Variants in PLD5 observed in about 807,000 individuals in gnomAD.
PLD5 encodes the protein phospholipase D family member 5.
In PLD5, 36 loss-of-function variants were observed where a neutral mutation model predicts 61.1. That is an observed-to-expected ratio of 0.59 (90% CI 0.45 to 0.78). PLD5 has a LOEUF of 0.78. PLD5 is among the 30% of genes least tolerant of loss of function. The probability of loss-of-function intolerance (pLI) is 0.00; values close to 1 mark genes in which losing one functional copy is unlikely to be tolerated. For missense variants in PLD5, 515 were observed against 644.4 expected, an observed-to-expected ratio of 0.80 and a Z score of 2.17; for synonymous variants, 243 against 242.8, an observed-to-expected ratio of 1.00 and a Z score of -0.01.
At chr1:242,384,715 T>C (rs1246871921) in intron 1 of PLD5, among the ~76,000 whole-genome samples, 1 of 152,216 alleles carries the variant, frequency 6.6e-6, no homozygotes, top group Non-Finnish European at 1.5e-5. Context: ...GTTCTCTTGG[T>C]GTGATTGGGT....
intron 4 of PLD5, among the ~76,000 whole-genome samples, chr1:242,233,861 C>T (rs908756851): frequency 1.3e-5 from 2 of 152,138 alleles, no homozygotes; most frequent in African/African-American, 2.4e-5. Context: ...AGAAATCAGT[C>T]GTGGCCTCCA....
At chr1:242,398,567 T>C (rs1663736718) in intron 1 of PLD5, among the ~76,000 whole-genome samples, 1 of 152,228 alleles carries the variant, frequency 6.6e-6, no homozygotes, top group African/African-American at 2.4e-5. Flanking sequence ...CAAACTCTTG[T>C]ATTGTAATCA....
At chr1:242,512,417 A>C (rs935541434) in intron 1 of PLD5, among the ~76,000 whole-genome samples, 1 of 62,576 alleles carries the variant, frequency 1.6e-5, no homozygotes, top group Non-Finnish European at 4.0e-5. Context: ...CTCCATCTCA[A>C]AAAAAAAAAA....
At chr1:242,153,539 G>A (rs1316646710) in intron 5 of PLD5, among the ~76,000 whole-genome samples, 1 of 152,118 alleles carries the variant, frequency 6.6e-6, no homozygotes, top group Admixed American at 6.6e-5. Context: ...AAGGTGTAAG[G>A]AAGGGGTCCA....
intron 3 of PLD5, among the ~76,000 whole-genome samples, chr1:242,280,037 C>T (rs1214035192): frequency 6.6e-6 from 1 of 151,932 alleles, no homozygotes; most frequent in Non-Finnish European, 1.5e-5. Flanking sequence ...CCACAGCTAT[C>T]TTTTAAAAGC....
At chr1:242,496,069 G>A (rs144536995) in intron 1 of PLD5, among the ~76,000 whole-genome samples, 10 of 152,332 alleles carry the variant, frequency 6.6e-5, no homozygotes, top group African/African-American at 2.4e-4. Context: ...GGCAAGGAAA[G>A]TGTATTTGTT....
chr1:242,184,883 G>T (rs1043576042), intron 5 of PLD5, among the ~76,000 whole-genome samples: 1 of 152,138 alleles, frequency 6.6e-6, no homozygotes, highest in African/African-American at 2.4e-5. Flanking sequence ...GAGGTGCAGG[G>T]CAATCAACAG....
chr1:242,460,378 C>T (rs546051234), intron 1 of PLD5, among the ~76,000 whole-genome samples: 6 of 152,220 alleles, frequency 3.9e-5, no homozygotes, highest in South Asian at 2.1e-4. Context: ...CTCAACCTGC[C>T]GATCCACCTA....
At chr1:242,333,492 G>A (rs1404319291) in intron 2 of PLD5, among the ~76,000 whole-genome samples, 2 of 152,130 alleles carry the variant, frequency 1.3e-5, no homozygotes, top group African/African-American at 4.8e-5. Context: ...GAGACCTCAG[G>A]ACCACGGTCT....
At chr1:242,347,613 T>C (rs765963557) in intron 2 of PLD5, among the ~76,000 whole-genome samples, 43 of 152,224 alleles carry the variant, frequency 2.8e-4, no homozygotes, top group Non-Finnish European at 5.1e-4. Flanking sequence ...TTGTAGTTTC[T>C]AGATTAAAAA....
At chr1:242,443,102 C>T (rs1306464391) in intron 1 of PLD5, among the ~76,000 whole-genome samples, 1 of 152,128 alleles carries the variant, frequency 6.6e-6, no homozygotes, top group Non-Finnish European at 1.5e-5. Context: ...ATATTAAATC[C>T]TATGGACAAG....
At chr1:242,368,317 G>A (rs1439524) in intron 1 of PLD5, among the ~76,000 whole-genome samples, 125,957 of 151,836 alleles carry the variant, frequency 0.83, 53,158 homozygotes, top group South Asian at 0.9. Flanking sequence ...TGCCCAATTC[G>A]TGAACCAATA....
intron 4 of PLD5, among the ~76,000 whole-genome samples, chr1:242,224,372 T>C (rs1670796031): frequency 6.6e-6 from 1 of 152,174 alleles, no homozygotes. Flanking sequence ...TGTCACATAT[T>C]TTTTAAAAAT....
intron 7 of PLD5, among the ~76,000 whole-genome samples, chr1:242,109,902 T>C (rs534863844): frequency 2.6e-5 from 4 of 151,978 alleles, no homozygotes; most frequent in South Asian, 2.1e-4. Flanking sequence ...ATATTCATCA[T>C]GATTAAAGCA....
intron 2 of PLD5, among the ~76,000 whole-genome samples, chr1:242,345,360 AG>A (rs1483618583): frequency 6.6e-6 from 1 of 152,216 alleles, no homozygotes; most frequent in East Asian, 1.9e-4. Context: ...TAACTGCGTT[AG>A]GCTAGCTTGG....
intron 2 of PLD5, among the ~76,000 whole-genome samples, chr1:242,289,463 C>T (rs1156871534): frequency 1.3e-5 from 2 of 152,184 alleles, no homozygotes; most frequent in African/African-American, 4.8e-5. Context: ...GTTCTCCTGC[C>T]TCAGCCTCCC....
intron 5 of PLD5, among the ~76,000 whole-genome samples, chr1:242,198,701 CAAAAAAAAAAA>C (rs10603005): frequency 9.7e-5 from 5 of 51,568 alleles, no homozygotes; most frequent in East Asian, 5.3e-4. Flanking sequence ...AAGTCCTTAG[CAAAAAAAAAAA>C]AAAAAAAAAA....
chr1:242,235,561 A>AT (rs1224520539), intron 4 of PLD5: 1 of 152,190 alleles, frequency 6.6e-6, no homozygotes, highest in Non-Finnish European at 1.5e-5. Flanking sequence ...GAGTATCAGG[A>AT]TTTGGGGGAG....
At chr1:242,145,814 A>C (rs938815662) in intron 5 of PLD5, among the ~76,000 whole-genome samples, 3 of 152,134 alleles carry the variant, frequency 2.0e-5, no homozygotes, top group Non-Finnish European at 4.4e-5. Flanking sequence ...CTGGGATTAT[A>C]GGCGCACACC....
Sources: gnomAD v4.1 joint callset for allele counts (sites outside exome capture counted in the v4.1 genomes callset) on GRCh38, gnomAD v4.1.1 for gene constraint, MANE v1.5 for transcripts, NCBI Gene and HGNC (gene_info 2026-07-23, HGNC 2026-07-21) for gene names.